Variants in PTGES3 observed in about 807,000 individuals in gnomAD.
PTGES3 encodes Hsp90 co-chaperone.
A neutral mutation model predicts 29.9 loss-of-function variants in PTGES3; 5 were observed. The ratio of observed to expected loss-of-function variants is 0.17; its 90% CI spans 0.09 to 0.35. PTGES3 has a LOEUF of 0.35. PTGES3 is among the 10% of genes least tolerant of loss of function. The probability of loss-of-function intolerance (pLI) is 1.00; values close to 1 mark genes in which losing one functional copy is unlikely to be tolerated. For synonymous variants in PTGES3, 49 were observed against 57.8 expected (o/e 0.85, Z 0.69); for missense variants, 128 against 190.0 (o/e 0.67, Z 1.92).
At chr12:56,667,551 T>C (rs1370547036) in intron 5 of PTGES3, among the ~76,000 whole-genome samples, 1 of 152,154 alleles carries the variant, frequency 6.6e-6, no homozygotes, top group African/African-American at 2.4e-5. Flanking sequence ...TCATGCTATG[T>C]GAAATAAGCC....
chr12:56,680,330 C>A (rs954065661), intron 1 of PTGES3, among the ~76,000 whole-genome samples: 1 of 151,766 alleles, frequency 6.6e-6, no homozygotes, highest in Non-Finnish European at 1.5e-5. Flanking sequence ...CCACCTCAGT[C>A]CCCCAAAGTG....
Position 56,688,092 on chromosome 12 carries a change from C to G in PTGES3, c.-93G>C, listed in dbSNP as rs1952973518. On this transcript the variant is annotated 5_prime_UTR_variant, in exon 1 of 8. Coordinates refer to ENST00000262033, the MANE Select transcript of PTGES3 (RefSeq NM_006601.7). ...GTCGACTTCTCTCCGGTGGCGACTC[C>G]GCTTTTTCTCTCCGGTCGCGGCCTC... The G allele has an allele frequency of 1.4e-6, 2 of 1,437,620 alleles. No homozygotes were observed. The highest frequency in any genetic ancestry group is 5.5e-5 in the East Asian group (2 of 36,288). 89.1% of individuals were successfully genotyped at this position (1,437,620 alleles called of 1,614,324 possible). A position where few individuals can be genotyped will look rare whatever the true frequency, so the allele number is the denominator to read the frequency against.
intron 1 of PTGES3, chr12:56,687,623 G>C (rs1222867337): frequency 8.9e-7 from 1 of 1,125,108 alleles, no homozygotes; most frequent in Non-Finnish European, 1.1e-6. Flanking sequence ...GAACCGGAGC[G>C]CCCAAGCAGC....
At chr12:56,664,618 T>C in intron 7 of PTGES3, 120 bp from the exon 8 acceptor site, 1 of 1,373,796 alleles carries the variant, frequency 7.3e-7, no homozygotes, top group African/African-American at 1.5e-5. Context: ...ATTAATAGGT[T>C]GTCTTGCTAT....
intron 1 of PTGES3, among the ~76,000 whole-genome samples, chr12:56,677,539 AAT>A (rs772243850): frequency 1.3e-5 from 2 of 152,132 alleles, no homozygotes; most frequent in Non-Finnish European, 2.9e-5. Flanking sequence ...TGGAAAGAAA[AAT>A]ATATATAGTT....
intron 6 of PTGES3, chr12:56,665,687 A>G (rs1951759407): frequency 2.1e-6 from 2 of 951,564 alleles, no homozygotes; most frequent in Non-Finnish European, 2.5e-6. Flanking sequence ...TGCTGCCCAC[A>G]CTGGAGTGCA....
intron 1 of PTGES3, among the ~76,000 whole-genome samples, chr12:56,678,217 G>A (rs1339416611): frequency 5.9e-5 from 9 of 152,012 alleles, no homozygotes; most frequent in Non-Finnish European, 1.0e-4. Context: ...TGGCTCTGTC[G>A]CCCAGGTTGG....
intron 1 of PTGES3, 67 bp downstream of exon 1, chr12:56,687,931 C>G: frequency 6.2e-7 from 1 of 1,603,014 alleles, no homozygotes. Context: ...GGGGCCGCTT[C>G]CAGGGAGCCC....
chr12:56,672,845 C>T (rs771902735), intron 2 of PTGES3, 36 bp from the exon 3 acceptor site: 1 of 1,548,642 alleles, frequency 6.5e-7, no homozygotes, highest in South Asian at 1.2e-5. Flanking sequence ...TAAGCCTCTT[C>T]AAAGAGACAA....
intron 1 of PTGES3, among the ~76,000 whole-genome samples, chr12:56,683,726 G>C (rs572762070): frequency 3.3e-5 from 5 of 151,568 alleles, no homozygotes; most frequent in African/African-American, 1.2e-4. Context: ...TTGGGAGGCC[G>C]AGGCAGGCGG....
intron 6 of PTGES3, chr12:56,665,858 G>T: frequency 1.1e-6 from 1 of 869,768 alleles, no homozygotes; most frequent in Non-Finnish European, 1.4e-6. Context: ...TCGAACTCCT[G>T]ACCTCACGTA....
chr12:56,673,015 T>G lies in PTGES3; in HGVS notation c.53A>C (p.Glu18Ala), dbSNP rs1952068460. 6.2e-7 allele frequency: 1 copy of G among 1,610,574 alleles called. No homozygotes were observed. The highest frequency in any genetic ancestry group is 1.7e-5 in the Admixed American group (1 of 59,064). ...ATCCTTACTGTCTTCAACACAAAAT[T>G]CAATGAAGACATAGTCCCTTCGATC... ...WYDRRDYVFI[E>A]FCVEDSKDVN... Residue 18 changes from glutamate (E) to alanine (A), a missense_variant, in exon 2 of 8, where the codon GAA (glutamate) becomes GCA (alanine). Coordinates refer to ENST00000262033, the MANE Select transcript of PTGES3 (RefSeq NM_006601.7).
intron 1 of PTGES3, among the ~76,000 whole-genome samples, chr12:56,682,063 T>G (rs990748362): frequency 6.6e-6 from 1 of 151,982 alleles, no homozygotes; most frequent in Non-Finnish European, 1.5e-5. Flanking sequence ...GCCAGGCTAG[T>G]CTGGAACTCC....
At chr12:56,687,926 C>A in intron 1 of PTGES3, 72 bp downstream of exon 1, 1 of 1,603,964 alleles carries the variant, frequency 6.2e-7, no homozygotes, top group Non-Finnish European at 8.5e-7. Context: ...GCTAGGGGGC[C>A]GCTTCCAGGG....
At chr12:56,686,943 C>A (rs1031795914) in intron 1 of PTGES3, 40 of 369,518 alleles carry the variant, frequency 1.1e-4, no homozygotes, top group African/African-American at 7.7e-4. Context: ...AAAAAGGTTC[C>A]ACCTTAATTG....
intron 1 of PTGES3, among the ~76,000 whole-genome samples, chr12:56,676,837 C>T (rs1294357116): frequency 1.5e-5 from 2 of 134,532 alleles, no homozygotes; most frequent in Admixed American, 1.8e-4. Flanking sequence ...GCACAAGAAT[C>T]CTTGAACCCG....
At chr12:56,672,857 G>T (rs74815036) in intron 2 of PTGES3, 48 bp from the exon 3 acceptor site, 18 of 1,546,242 alleles carry the variant, frequency 1.2e-5, no homozygotes, top group Middle Eastern at 1.7e-4. Context: ...AAGAGACAAA[G>T]ATTAATAATA....
Position 56,676,224 on chromosome 12 carries a change from T to TC in PTGES3, c.3-3160dup, listed in dbSNP as rs1313804359. On this transcript the variant is annotated intron_variant, in intron 1 of 7. Transcript: ENST00000262033. ...CTGGGCAACAGAGAGAGGCTGTGTC[T>TC]CCCCCCCCAAAAAAAAAAAAAAAGC... Among the ~76,000 whole-genome samples, 196 of 21,510 alleles carry TC rather than the reference T, an allele frequency of 9.1e-3. 1 individual carries two copies. The highest frequency in any genetic ancestry group is 0.048 in the African/African-American group (179 of 3,758). 14.1% of individuals were successfully genotyped at this position (21,510 alleles called of 152,430 possible). A position where few individuals can be genotyped will look rare whatever the true frequency, so the allele number is the denominator to read the frequency against.
In PTGES3 at chr12:56,677,760, T is replaced by C. The variant is rs531212954; in HGVS notation, c.3-4695A>G. On this transcript the variant is annotated intron_variant, in intron 1 of 7. Transcript: ENST00000262033. ...GAAGATGAAACTTAATGGAGGGGTT[T>C]GCAGTACAATCTCATATTGAAACTG... 3.9e-5 allele frequency among the ~76,000 whole-genome samples: 6 copies of C among 152,262 alleles called. No homozygotes were observed. In the South Asian group the frequency reaches 1.2e-3, roughly 32 times the overall value.
Sources: gnomAD v4.1 joint callset for allele counts (sites outside exome capture counted in the v4.1 genomes callset) on GRCh38, gnomAD v4.1.1 for gene constraint, MANE v1.5 for transcripts, NCBI Gene and HGNC (gene_info 2026-07-23, HGNC 2026-07-21) for gene names.